The following PXN variants were observed in gnomAD, a reference collection of about 807,000 sequenced individuals.
PXN encodes paxillin.
PXN carries 61 observed loss-of-function variants against 103.6 expected under a neutral mutation model. The ratio of observed to expected loss-of-function variants is 0.59; its 90% CI spans 0.48 to 0.73. The LOEUF is 0.73. PXN is among the 30% of genes least tolerant of loss of function. The probability of loss-of-function intolerance (pLI) is 0.00; values close to 1 mark genes in which losing one functional copy is unlikely to be tolerated. For missense variants in PXN, 1,274 were observed against 1,460.3 expected (o/e 0.87, Z 2.08); for synonymous variants, 562 against 607.8 (o/e 0.92, Z 1.11).
At chr12:120,246,032 T>G (rs544067264) in intron 1 of PXN, among the ~76,000 whole-genome samples, 1 of 152,064 alleles carries the variant, frequency 6.6e-6, no homozygotes, top group Non-Finnish European at 1.5e-5. Flanking sequence ...CAATGAAGTA[T>G]AGCTAAATAA....
At position 120,222,402 on chromosome 12, in the gene PXN, A is replaced by G. The variant is rs1321817834; in HGVS notation, c.695+147T>C. Reference sequence around the variant, plus strand: ...CTGGCTGAAGGCAGGGATGGTGTCCATGTGACTCACCACTATCCCCCCAGT... The same window carrying G: ...CTGGCTGAAGGCAGGGATGGTGTCCGTGTGACTCACCACTATCCCCCCAGT... On this transcript the variant is annotated intron_variant, in intron 5 of 14. Transcript: ENST00000637617. The surrounding 1 kb of genome is among the most constrained non-coding windows in gnomAD (Gnocchi z 4.7). 6 of 926,578 alleles carry G rather than the reference A, an allele frequency of 6.5e-6. No homozygotes were observed. The highest frequency in any genetic ancestry group is 2.7e-5 in the East Asian group (1 of 37,382). 57.4% of individuals were successfully genotyped at this position (926,578 alleles called of 1,614,324 possible).
In PXN at chr12:120,229,755, G is replaced by A. The variant is rs897171744; in HGVS notation, c.14-5378C>T. ...AGGAGGGGAAAGAAATCACCTCCCC[G>A]TCCTATCCAATCCCTGAGGGCAAAG... On this transcript the variant is annotated intron_variant, in intron 1 of 14. Transcript: ENST00000637617. The surrounding 1 kb of genome is among the most constrained non-coding windows in gnomAD (Gnocchi z 4.0). 2.6e-5 allele frequency among the ~76,000 whole-genome samples: 4 copies of A among 152,166 alleles called. No individual in the cohort carries two copies. The highest frequency in any genetic ancestry group is 5.9e-5 in the Non-Finnish European group (4 of 68,016).
chr12:120,234,094 G>T (rs183341652), intron 1 of PXN, among the ~76,000 whole-genome samples: 102 of 123,078 alleles, frequency 8.3e-4, no homozygotes, highest in African/African-American at 2.5e-3. Context: ...AAGTGAAATC[G>T]TAAGATAAAA....
chr12:120,256,712 T>C (rs1893070132), intron 1 of PXN, among the ~76,000 whole-genome samples: 1 of 152,098 alleles, frequency 6.6e-6, no homozygotes, highest in Admixed American at 6.5e-5. Flanking sequence ...AATAGGGTTT[T>C]TTTTTGTTGT....
rs746961135 is a variant in PXN at position 120,222,546 on chromosome 12, C to G, written c.695+3G>C. On this transcript the variant is annotated splice_donor_region_variant and intron_variant, in intron 5 of 14. Coordinates refer to ENST00000637617, the MANE Select transcript of PXN (RefSeq NM_001385981.1). This position sits in a 1 kb window ranked among gnomAD's most constrained non-coding sequence, Gnocchi z 4.7. ...ACCTGGGGAGGGCCCAGTGGGTACT[C>G]ACACGGGGCTGGGCACGGAGCTCTC... The G allele has an allele frequency of 1.3e-6, 2 of 1,590,638 alleles. No homozygotes were observed. Among genetic ancestry groups the G allele is most frequent in the Non-Finnish European group, 1.7e-6 (2 of 1,169,290 alleles).
chr12:120,247,983 TCAA>T (rs1193066090), intron 1 of PXN, among the ~76,000 whole-genome samples: 3 of 152,100 alleles, frequency 2.0e-5, no homozygotes, highest in African/African-American at 7.2e-5. Context: ...GTACACCCAC[TCAA>T]CAACAGAGCT....
chr12:120,215,985 G>A lies in PXN; in HGVS notation c.2301+288C>T, dbSNP rs749791382. On this transcript the variant is annotated intron_variant, in intron 9 of 14. Transcript: ENST00000637617. The surrounding 1 kb of genome is among the most constrained non-coding windows in gnomAD (Gnocchi z 4.9). ...GAGACAGGTTTCTGGTCTCCCTTCT[G>A]GAGTGGCTTCTTTCCTCGATGGGAG... is the stretch of plus-strand genomic sequence containing the variant. The A allele has an allele frequency of 1.5e-6, 2 of 1,373,634 alleles. No homozygotes were observed. Among genetic ancestry groups the A allele is most frequent in the East Asian group, 2.8e-5 (1 of 36,272 alleles). The allele number at this position is 1,373,634 out of a possible 1,614,324, so 85.1% of individuals were successfully genotyped here. A position where few individuals can be genotyped will look rare whatever the true frequency, so the allele number is the denominator to read the frequency against.
chr12:120,219,199 G>A lies in PXN; in HGVS notation c.1716+8C>T, dbSNP rs1285303145. 2.6e-6 allele frequency: 4 copies of A among 1,558,164 alleles called. No homozygotes were observed. The highest frequency in any genetic ancestry group is 1.7e-6 in the Non-Finnish European group (2 of 1,155,884). ...CCATGCCCAGCAGCCATGCGAGCTG[G>A]TGCCTGCCTGGCCAGAGGTGGAAAT... On this transcript the variant is annotated splice_region_variant and intron_variant, in intron 7 of 14. Coordinates refer to ENST00000637617, the MANE Select transcript of PXN (RefSeq NM_001385981.1). This position sits in a 1 kb window ranked among gnomAD's most constrained non-coding sequence, Gnocchi z 6.5.
rs1476971000 is a variant in PXN at position 120,216,842 on chromosome 12, T to C, written c.1991A>G (p.Lys664Arg). 14 of 1,531,108 alleles carry C rather than the reference T, an allele frequency of 9.1e-6. No individual in the cohort carries two copies. The South Asian group carries it at 1.7e-4, about 19-fold the overall frequency. 94.8% of individuals were successfully genotyped at this position (1,531,108 alleles called of 1,614,324 possible). A position where few individuals can be genotyped will look rare whatever the true frequency, so the allele number is the denominator to read the frequency against. ...CAGCCATGGGCATCTCCTCGCCACC[T>C]TCTCTACGAGCTGCCCCCCGGCCCG... ...GKRAGGQLVE[K>R]VVFPPGSPIP... The change falls in exon 8 of 15, where the codon AAG becomes AGG. Residue 664 changes from lysine to arginine, a missense_variant and splice_region_variant. Lys to Arg is a conservative substitution (Grantham distance 26). Coordinates refer to ENST00000637617, the MANE Select transcript of PXN (RefSeq NM_001385981.1). This position sits in a 1 kb window ranked among gnomAD's most constrained non-coding sequence, Gnocchi z 5.1.
In PXN at chr12:120,213,093, G is replaced by A. The variant is rs1408603364; in HGVS notation, c.2980-513C>T. On this transcript the variant is annotated intron_variant, in intron 14 of 14. Coordinates refer to ENST00000637617, the MANE Select transcript of PXN (RefSeq NM_001385981.1). The surrounding 1 kb of genome is among the most constrained non-coding windows in gnomAD (Gnocchi z 4.2). ...CACATATAGGTAGAAAAGGCTCTGA[G>A]AGGGGCCGGGTGAGGTGGCTCACAC... 2 of 153,762 alleles carry A rather than the reference G, an allele frequency of 1.3e-5. No individual in the cohort carries two copies. Among genetic ancestry groups the A allele is most frequent in the Non-Finnish European group, 2.9e-5 (2 of 69,146 alleles). The allele number at this position is 153,762 out of a possible 1,614,324, so 9.5% of individuals were successfully genotyped here. A position where few individuals can be genotyped will look rare whatever the true frequency, so the allele number is the denominator to read the frequency against.
intron 1 of PXN, among the ~76,000 whole-genome samples, chr12:120,240,784 G>A (rs1036258122): frequency 3.3e-5 from 5 of 152,088 alleles, no homozygotes; most frequent in African/African-American, 9.7e-5. Context: ...CAGAGCATTC[G>A]CCATTGGAAC....
intron 1 of PXN, among the ~76,000 whole-genome samples, chr12:120,241,065 G>A (rs1179370891): frequency 1.3e-5 from 2 of 152,152 alleles, no homozygotes; most frequent in Non-Finnish European, 2.9e-5. Flanking sequence ...GGGGATCTGT[G>A]GACCACCTGA....
Position 120,222,496 on chromosome 12 carries a change from G to A in PXN, c.695+53C>T. ...GCTAAGGGGACAGACACTGGACCCG[G>A]GGCAGGCTGGGCCAGCCCTTCCCCA... is the stretch of plus-strand genomic sequence containing the variant. On this transcript the variant is annotated intron_variant, in intron 5 of 14. Coordinates refer to ENST00000637617, the MANE Select transcript of PXN (RefSeq NM_001385981.1). The surrounding 1 kb of genome is among the most constrained non-coding windows in gnomAD (Gnocchi z 4.7). The A allele has an allele frequency of 3.3e-6, 5 of 1,521,620 alleles. No individual in the cohort carries two copies. The highest frequency in any genetic ancestry group is 1.4e-5 in the African/African-American group (1 of 72,160). The allele number at this position is 1,521,620 out of a possible 1,614,324, so 94.3% of individuals were successfully genotyped here. A position where few individuals can be genotyped will look rare whatever the true frequency, so the allele number is the denominator to read the frequency against.
intron 1 of PXN, among the ~76,000 whole-genome samples, chr12:120,263,372 G>A (rs1345805843): frequency 1.3e-5 from 2 of 152,208 alleles, no homozygotes; most frequent in African/African-American, 2.4e-5. Flanking sequence ...CGGGCAGCCC[G>A]GATGTAAGCA....
chr12:120,233,778 C>T (rs1362249224), intron 1 of PXN, among the ~76,000 whole-genome samples: 1 of 152,182 alleles, frequency 6.6e-6, no homozygotes, highest in East Asian at 1.9e-4. Flanking sequence ...TCACTGCCTC[C>T]TTGGTCCCCC....
chr12:120,230,726 GGTGA>G (rs1887860973), intron 1 of PXN, among the ~76,000 whole-genome samples: 4 of 150,944 alleles, frequency 2.6e-5, no homozygotes, highest in East Asian at 2.0e-4. Context: ...GCTTTCACTC[GGTGA>G]GTAAGTCCCC....
In PXN at chr12:120,265,532, G is replaced by C. The variant is rs1342446256; in HGVS notation, c.13+85C>G. 3.5e-6 allele frequency: 5 copies of C among 1,418,534 alleles called. No homozygotes were observed. In the East Asian group the frequency reaches 1.5e-4, roughly 44 times the overall value. 87.9% of individuals were successfully genotyped at this position (1,418,534 alleles called of 1,614,324 possible). On this transcript the variant is annotated intron_variant, in intron 1 of 14. Coordinates refer to ENST00000637617, the MANE Select transcript of PXN (RefSeq NM_001385981.1). This position sits in a 1 kb window ranked among gnomAD's most constrained non-coding sequence, Gnocchi z 5.7. ...CCGGGGCCGCCGAGGGTGGGATCCC[G>C]CGGCCCCTGCCGCTCGCTGGCGCCC...
chr12:120,217,070 G>C lies in PXN; in HGVS notation c.1763C>G (p.Pro588Arg). The C allele has an allele frequency of 6.3e-7, 1 of 1,591,744 alleles. No individual in the cohort carries two copies. The highest frequency in any genetic ancestry group is 8.5e-7 in the Non-Finnish European group (1 of 1,177,408). Residue 588 changes from proline to arginine, a missense_variant, in exon 8 of 15, where the codon CCC becomes CGC. Pro to Arg is a moderately radical substitution (Grantham distance 103). This residue lies in a region of PXN where 1,178 missense variants were observed against 1,309.0 expected (regional missense o/e 0.90). Coordinates refer to ENST00000637617, the MANE Select transcript of PXN (RefSeq NM_001385981.1). The surrounding 1 kb of genome is among the most constrained non-coding windows in gnomAD (Gnocchi z 4.1). ...GCGAGGGGAGGGCTCCCGGGACATG[G>C]GGTGTGCGTGGCCAGACTCCCAGCT... ...RRSWESGHAH[P>R]MSREPSPRRR... is the part of the protein sequence containing the mutation.
At chr12:120,238,166 A>G (rs899797642) in intron 1 of PXN, among the ~76,000 whole-genome samples, 4 of 152,142 alleles carry the variant, frequency 2.6e-5, no homozygotes, top group African/African-American at 4.8e-5. Context: ...ATTTTCCTGA[A>G]ACAAAAAGCA....
Sources: allele counts gnomAD v4.1 joint callset (sites outside exome capture counted in the v4.1 genomes callset), GRCh38; gene constraint gnomAD v4.1.1; regional missense constraint gnomAD v4.1.1; non-coding constraint Gnocchi (gnomAD v3.1); transcripts MANE v1.5; gene names NCBI Gene and HGNC (gene_info 2026-07-23, HGNC 2026-07-21).